Variants in ARHGAP24 observed in about 807,000 individuals in gnomAD.
The protein encoded by ARHGAP24 is rho GTPase-activating protein 24.
Under a neutral mutation model 76.4 loss-of-function variants are expected in ARHGAP24, and 50 were observed. The ratio of observed to expected loss-of-function variants is 0.65; its 90% CI spans 0.52 to 0.83. The LOEUF (loss-of-function observed/expected upper bound fraction) is 0.83, where lower values mean the gene tolerates loss of function less well. Ranked by LOEUF, ARHGAP24 falls within the 40% of genes least tolerant of loss-of-function variation. ARHGAP24 has a pLI of 0.00. For synonymous variants in ARHGAP24, 345 were observed against 323.3 expected (o/e 1.07, Z -0.72); for missense variants, 930 against 914.2 (o/e 1.02, Z -0.22).
intron 3 of ARHGAP24, among the ~76,000 whole-genome samples, chr4:85,763,514 T>C (rs1303915854): frequency 2.0e-5 from 3 of 152,198 alleles, no homozygotes; most frequent in Non-Finnish European, 4.4e-5. Flanking sequence ...GAGGCCTGGA[T>C]TGGAAGTTCA....
At chr4:85,816,157 A>G (rs1418391481) in intron 3 of ARHGAP24, among the ~76,000 whole-genome samples, 6 of 152,208 alleles carry the variant, frequency 3.9e-5, no homozygotes, top group Admixed American at 3.9e-4. Flanking sequence ...GAGCCGAACC[A>G]TATCAGAACA....
At chr4:85,867,067 C>A (rs945020989) in intron 3 of ARHGAP24, among the ~76,000 whole-genome samples, 1 of 152,012 alleles carries the variant, frequency 6.6e-6, no homozygotes, top group African/African-American at 2.4e-5. Flanking sequence ...ATCCTTAAAT[C>A]TGGACTTTTC....
intron 2 of ARHGAP24, among the ~76,000 whole-genome samples, chr4:85,641,024 TAAGTTATTAAAGAAA>T (rs1330360817): frequency 1.2e-4 from 18 of 152,046 alleles, no homozygotes; most frequent in African/African-American, 3.9e-4. Context: ...GAAATTTACT[TAAGTTATTAAAGAAA>T]TAACTAAAGA....
chr4:85,514,501 T>C (rs115653085), intron 1 of ARHGAP24, among the ~76,000 whole-genome samples: 3,407 of 152,278 alleles, frequency 0.022, 60 homozygotes, highest in Non-Finnish European at 0.034. Context: ...GTATATTTAA[T>C]AAATAATCAT....
At chr4:85,633,317 G>A (rs958919801) in intron 2 of ARHGAP24, among the ~76,000 whole-genome samples, 1 of 151,802 alleles carries the variant, frequency 6.6e-6, no homozygotes, top group Admixed American at 6.6e-5. Flanking sequence ...TTGCTTTCTT[G>A]AATTGTTTCA....
intron 2 of ARHGAP24, among the ~76,000 whole-genome samples, chr4:85,626,008 T>C (rs1720940397): frequency 1.3e-5 from 2 of 152,230 alleles, no homozygotes; most frequent in Admixed American, 1.3e-4. Context: ...CACTGATGGG[T>C]CTTGACTCTT....
At position 86,000,479 on chromosome 4, in the gene ARHGAP24, C is replaced by T. The variant is rs1246918057; in HGVS notation, c.2004C>T (p.Ser668=). 8 of 1,257,808 alleles carry T rather than the reference C, an allele frequency of 6.4e-6. No homozygotes were observed. Among genetic ancestry groups the T allele is most frequent in the Non-Finnish European group, 8.6e-6 (8 of 929,608 alleles). The allele number at this position is 1,257,808 out of a possible 1,614,324, so 77.9% of individuals were successfully genotyped here. A position where few individuals can be genotyped will look rare whatever the true frequency, so the allele number is the denominator to read the frequency against. The change falls in exon 10 of 10, where the codon AGC becomes AGT. Residue 668 remains serine (S), a splice_region_variant and synonymous_variant. Transcript: ENST00000395184. ...QKIEYESRIK[S]LEQRNLTLET... ...CCACCCCCCCCAACATCCTTTGTAG[C>T]TTAGAACAGCGAAACTTGACTTTGG...
At chr4:85,507,397 G>A (rs1724104338) in intron 1 of ARHGAP24, among the ~76,000 whole-genome samples, 1 of 151,998 alleles carries the variant, frequency 6.6e-6, no homozygotes, top group African/African-American at 2.4e-5. Context: ...TTATTCACTG[G>A]TATGTGGACT....
At chr4:85,966,468 G>C (rs1242100174) in intron 5 of ARHGAP24, among the ~76,000 whole-genome samples, 3 of 152,188 alleles carry the variant, frequency 2.0e-5, no homozygotes, top group African/African-American at 7.2e-5. Flanking sequence ...TTATGTAACT[G>C]TGCAATAAGC....
intron 3 of ARHGAP24, among the ~76,000 whole-genome samples, chr4:85,726,492 T>A (rs1264585121): frequency 2.6e-5 from 4 of 152,144 alleles, no homozygotes; most frequent in Non-Finnish European, 5.9e-5. Flanking sequence ...GAGGCGGTGA[T>A]CCCTCTCAAG....
rs1250348164 is a variant in ARHGAP24 at position 85,475,266 on chromosome 4, G to C, written c.-314G>C. On this transcript the variant is annotated 5_prime_UTR_variant, in exon 1 of 10. Transcript: ENST00000395184. ...CTCTGGAGGGGCTCGGAGACCAGGG[G>C]AGCTGTCAAGGCTGCGGCGGGGACC... 6.6e-6 allele frequency: 1 copy of C among 152,354 alleles called. No homozygotes were observed. The highest frequency in any genetic ancestry group is 1.5e-5 in the Non-Finnish European group (1 of 68,132). The allele number at this position is 152,354 out of a possible 1,614,324, so 9.4% of individuals were successfully genotyped here. A position where few individuals can be genotyped will look rare whatever the true frequency, so the allele number is the denominator to read the frequency against.
chr4:85,664,532 A>T (rs560919879), intron 2 of ARHGAP24, among the ~76,000 whole-genome samples: 8 of 150,044 alleles, frequency 5.3e-5, no homozygotes, highest in Admixed American at 1.3e-4. Flanking sequence ...CTCTGATTTT[A>T]GTTATTTCTT....
intron 2 of ARHGAP24, among the ~76,000 whole-genome samples, chr4:85,605,030 T>C (rs1021277657): frequency 6.6e-6 from 1 of 152,184 alleles, no homozygotes; most frequent in African/African-American, 2.4e-5. Flanking sequence ...ATTGTACTTA[T>C]ATCTATGGCT....
chr4:85,684,926 T>C (rs1390977403), intron 2 of ARHGAP24, among the ~76,000 whole-genome samples: 1 of 151,820 alleles, frequency 6.6e-6, no homozygotes. Context: ...AGTAACACTC[T>C]GTAGATGTTT....
chr4:85,704,857 A>AT (rs1209661096), intron 2 of ARHGAP24, among the ~76,000 whole-genome samples: 8 of 152,088 alleles, frequency 5.3e-5, no homozygotes, highest in Non-Finnish European at 1.0e-4. Flanking sequence ...ACCAGATAGA[A>AT]TTTTTTTAAT....
At chr4:85,705,263 T>C (rs1724269663) in intron 2 of ARHGAP24, among the ~76,000 whole-genome samples, 1 of 152,134 alleles carries the variant, frequency 6.6e-6, no homozygotes, top group Non-Finnish European at 1.5e-5. Context: ...AAATTATTTA[T>C]AAAGTATTAA....
At chr4:85,724,914 T>G (rs1181799151) in intron 3 of ARHGAP24, among the ~76,000 whole-genome samples, 2 of 152,180 alleles carry the variant, frequency 1.3e-5, no homozygotes, top group Non-Finnish European at 2.9e-5. Flanking sequence ...ATGCCAAATT[T>G]TAGACTGAAG....
intron 5 of ARHGAP24, among the ~76,000 whole-genome samples, chr4:85,958,294 C>G (rs2148838969): frequency 6.6e-6 from 1 of 152,188 alleles, no homozygotes; most frequent in East Asian, 1.9e-4. Context: ...AACAAAAACA[C>G]CTGGAATATG....
intron 1 of ARHGAP24, among the ~76,000 whole-genome samples, chr4:85,564,406 G>GA (rs1553914890): frequency 1.5e-4 from 22 of 143,158 alleles, no homozygotes; most frequent in Non-Finnish European, 2.8e-4. Context: ...GGTGGGGGGA[G>GA]CGGGGGGGAT....
Sources: allele counts gnomAD v4.1 joint callset (sites outside exome capture counted in the v4.1 genomes callset), GRCh38; gene constraint gnomAD v4.1.1; transcripts MANE v1.5; gene names NCBI Gene and HGNC (gene_info 2026-07-23, HGNC 2026-07-21).